BRINP1: variants seen among roughly 807,000 people sequenced by gnomAD.
The protein encoded by BRINP1 is BMP/retinoic acid inducible neural specific 1.
In BRINP1, 17 loss-of-function variants were observed where a neutral mutation model predicts 72.9. That is an observed-to-expected ratio of 0.23 (90% confidence interval 0.16 to 0.35). The LOEUF is 0.35. Among genes scored for constraint, BRINP1 ranks in the 10% least tolerant of loss-of-function variants. BRINP1 has a pLI of 1.00. For synonymous variants in BRINP1, 418 were observed against 378.5 expected, an observed-to-expected ratio of 1.10 and a Z score of -1.21; for missense variants, 850 against 1,001.6, an observed-to-expected ratio of 0.85 and a Z score of 2.04.
intron 5 of BRINP1, among the ~76,000 whole-genome samples, chr9:119,230,684 G>A (rs566569688): frequency 6.6e-6 from 1 of 151,876 alleles, no homozygotes; most frequent in Non-Finnish European, 1.5e-5. Context: ...AAAAGAAAAG[G>A]TCAAAGAAGA....
chr9:119,358,310 G>T (rs1357344575), intron 1 of BRINP1, among the ~76,000 whole-genome samples: 1 of 150,578 alleles, frequency 6.6e-6, no homozygotes, highest in Non-Finnish European at 1.5e-5. Flanking sequence ...CAAATCAAAA[G>T]TGAGATGGGC....
chr9:119,255,954 C>CAAAA (rs58972395), intron 2 of BRINP1, among the ~76,000 whole-genome samples: 2 of 53,498 alleles, frequency 3.7e-5, no homozygotes, highest in African/African-American at 7.8e-5. Flanking sequence ...GACTCCAGCT[C>CAAAA]AAAAAAAAAA....
chr9:119,302,836 A>T (rs925699721), intron 2 of BRINP1, among the ~76,000 whole-genome samples: 3 of 151,022 alleles, frequency 2.0e-5, no homozygotes, highest in East Asian at 1.9e-4. Flanking sequence ...TCCATTTTAT[A>T]TTTTTTTTTC....
Position 119,192,176 on chromosome 9 carries a change from C to T in BRINP1, c.1145+16543G>A, listed in dbSNP as rs190116359. On this transcript the variant is annotated intron_variant, in intron 7 of 7. Coordinates refer to ENST00000265922, the MANE Select transcript of BRINP1 (RefSeq NM_014618.3). The stretch of plus-strand genomic sequence containing the variant: ...TAGAAGAGAACATAAGTAGAAAGCT[C>T]CTCAACGTTGGCCTTAGCAATGAAT... Among the ~76,000 whole-genome samples, 35 of 151,930 alleles carry T rather than the reference C, an allele frequency of 2.3e-4. No homozygotes were observed. In the East Asian group the frequency reaches 6.4e-3, roughly 28 times the overall value.
At chr9:119,337,741 C>T (rs1277123970) in intron 1 of BRINP1, among the ~76,000 whole-genome samples, 1 of 152,252 alleles carries the variant, frequency 6.6e-6, no homozygotes, top group African/African-American at 2.4e-5. Flanking sequence ...CTGCCTGTTT[C>T]TGCCTCTTGG....
At chr9:119,349,285 C>T (rs773648946) in intron 1 of BRINP1, among the ~76,000 whole-genome samples, 6 of 152,158 alleles carry the variant, frequency 3.9e-5, no homozygotes, top group Non-Finnish European at 8.8e-5. Flanking sequence ...CACAATTGCA[C>T]TGGCTGCTTA....
chr9:119,289,114 C>T (rs10818293), intron 2 of BRINP1, among the ~76,000 whole-genome samples: 48,020 of 152,102 alleles, frequency 0.32, 9,399 homozygotes, highest in East Asian at 0.66. Flanking sequence ...TAAGCCAATT[C>T]TTGAAGTCTG....
chr9:119,320,438 GGACAGAACAGCCA>G (rs1375617365), intron 1 of BRINP1, among the ~76,000 whole-genome samples: 1 of 152,148 alleles, frequency 6.6e-6, no homozygotes, highest in African/African-American at 2.4e-5. Context: ...ATTCAATAGT[GGACAGAACAGCCA>G]GGGCCCTCAA....
chr9:119,175,228 T>TA lies in BRINP1; in HGVS notation c.1146-7005dup, dbSNP rs1161347388. 2.0e-5 allele frequency among the ~76,000 whole-genome samples: 3 copies of TA among 151,308 alleles called. No individual in the cohort carries two copies. In the East Asian group the frequency reaches 5.8e-4, roughly 29 times the overall value. On this transcript the variant is annotated intron_variant, in intron 7 of 7. Transcript: ENST00000265922. ...TCATGTCCTTTGCACGGACATGGATTAAGCTGGAAACCATCACACTCAGCA... is the reference window on the plus strand; with the variant it reads ...TCATGTCCTTTGCACGGACATGGATTAAAGCTGGAAACCATCACACTCAGCA...
At chr9:119,293,634 T>G (rs1365222079) in intron 2 of BRINP1, among the ~76,000 whole-genome samples, 1 of 152,206 alleles carries the variant, frequency 6.6e-6, no homozygotes, top group East Asian at 1.9e-4. Context: ...TCAAAGCCTT[T>G]GCTACGTCAT....
chr9:119,326,296 T>C (rs1831239149), intron 1 of BRINP1, among the ~76,000 whole-genome samples: 2 of 152,184 alleles, frequency 1.3e-5, no homozygotes, highest in Admixed American at 6.5e-5. Flanking sequence ...TCCCTAATTG[T>C]AGTTTTCTTA....
chr9:119,170,161 C>T (rs1353684311), intron 7 of BRINP1, among the ~76,000 whole-genome samples: 1 of 151,890 alleles, frequency 6.6e-6, no homozygotes, highest in African/African-American at 2.4e-5. Flanking sequence ...GAGAAGAAGG[C>T]TTCAGACGAT....
chr9:119,220,888 G>A (rs1196960069), intron 5 of BRINP1, among the ~76,000 whole-genome samples: 2 of 152,096 alleles, frequency 1.3e-5, no homozygotes, highest in Non-Finnish European at 2.9e-5. Flanking sequence ...CCATAGCAGA[G>A]GGCATAATTT....
At chr9:119,306,342 GA>G (rs1286223596) in intron 2 of BRINP1, among the ~76,000 whole-genome samples, 1 of 152,192 alleles carries the variant, frequency 6.6e-6, no homozygotes, top group Non-Finnish European at 1.5e-5. Context: ...AGATGGCCCA[GA>G]AAAATGTTTG....
At chr9:119,235,135 C>T (rs1830181996) in intron 5 of BRINP1, among the ~76,000 whole-genome samples, 1 of 152,068 alleles carries the variant, frequency 6.6e-6, no homozygotes, top group South Asian at 2.1e-4. Context: ...TGTCACCAAC[C>T]TCTAATCCAC....
At chr9:119,336,657 C>G (rs1831348074) in intron 1 of BRINP1, among the ~76,000 whole-genome samples, 1 of 152,082 alleles carries the variant, frequency 6.6e-6, no homozygotes, top group African/African-American at 2.4e-5. Flanking sequence ...AAAGGCAGTT[C>G]ACTGAACTGA....
intron 7 of BRINP1, among the ~76,000 whole-genome samples, chr9:119,200,209 T>A (rs1829790523): frequency 6.6e-6 from 1 of 152,330 alleles, no homozygotes; most frequent in African/African-American, 2.4e-5. Flanking sequence ...GAATGGCTAT[T>A]GTGTGACAGG....
chr9:119,274,708 A>C (rs1830638091), intron 2 of BRINP1, among the ~76,000 whole-genome samples: 1 of 152,204 alleles, frequency 6.6e-6, no homozygotes, highest in African/African-American at 2.4e-5. Context: ...GCACAGAATC[A>C]GTCTCACACC....
chr9:119,233,565 C>G (rs1830166238), intron 5 of BRINP1, among the ~76,000 whole-genome samples: 1 of 152,134 alleles, frequency 6.6e-6, no homozygotes, highest in African/African-American at 2.4e-5. Context: ...TTTCCCATGC[C>G]TCTCCCCTTT....
Sources: gnomAD v4.1 joint callset for allele counts (sites outside exome capture counted in the v4.1 genomes callset) on GRCh38, gnomAD v4.1.1 for gene constraint, MANE v1.5 for transcripts, NCBI Gene and HGNC (gene_info 2026-07-23, HGNC 2026-07-21) for gene names.